Variants in ASIC2 observed in about 807,000 individuals in gnomAD.
The protein encoded by ASIC2 is acid sensing ion channel subunit 2.
ASIC2 carries 25 observed loss-of-function variants against 57.3 expected under a neutral mutation model. The ratio of observed to expected loss-of-function variants is 0.44; its 90% CI spans 0.32 to 0.61. The LOEUF is 0.61. ASIC2 is among the 20% of genes least tolerant of loss of function. ASIC2 has a pLI of 0.06. For missense variants in ASIC2, 641 were observed against 738.1 expected, an observed-to-expected ratio of 0.87 and a Z score of 1.52; for synonymous variants, 319 against 307.5, an observed-to-expected ratio of 1.04 and a Z score of -0.39.
At chr17:33,315,764 C>A (rs1257990341) in intron 1 of ASIC2, among the ~76,000 whole-genome samples, 1 of 152,164 alleles carries the variant, frequency 6.6e-6, no homozygotes, top group African/African-American at 2.4e-5. Context: ...CCACAATGAC[C>A]CTCTTACAAG....
intron 1 of ASIC2, among the ~76,000 whole-genome samples, chr17:33,339,748 C>T (rs898735481): frequency 2.0e-5 from 3 of 152,168 alleles, no homozygotes; most frequent in Non-Finnish European, 4.4e-5. Flanking sequence ...TGTGATGACT[C>T]CCTAACTCCT....
chr17:33,667,900 C>T lies in ASIC2; in HGVS notation c.555+488078G>A, dbSNP rs148097854. Among the ~76,000 whole-genome samples the T allele has an allele frequency of 1.1e-4, 17 of 152,292 alleles. No homozygotes were observed. In the East Asian group the frequency reaches 2.9e-3, roughly 26 times the overall value. ...CAGCTGCTTAAGGAAACCAAATGGC[C>T]TGTTGCCACACACAACCTCGTGACC... On this transcript the variant is annotated intron_variant, in intron 1 of 9. Transcript: ENST00000359872.
chr17:33,965,592 T>C (rs190476435), intron 1 of ASIC2, among the ~76,000 whole-genome samples: 31 of 152,342 alleles, frequency 2.0e-4, no homozygotes, highest in African/African-American at 6.7e-4. Flanking sequence ...TGAACACTTA[T>C]CTGTACTAGC....
chr17:33,369,136 G>A (rs1333649620), intron 1 of ASIC2, among the ~76,000 whole-genome samples: 1 of 152,204 alleles, frequency 6.6e-6, no homozygotes, highest in Non-Finnish European at 1.5e-5. Flanking sequence ...TCAAAGGGCA[G>A]TGAGTGTTCC....
intron 1 of ASIC2, among the ~76,000 whole-genome samples, chr17:33,979,014 A>G (rs1905502372): frequency 6.6e-6 from 1 of 152,192 alleles, no homozygotes. Flanking sequence ...GAGTCAGTTT[A>G]CAGACTACAT....
intron 1 of ASIC2, among the ~76,000 whole-genome samples, chr17:33,462,748 A>G (rs977962980): frequency 1.7e-4 from 26 of 152,240 alleles, no homozygotes; most frequent in African/African-American, 6.0e-4. Flanking sequence ...GATATTCAGA[A>G]GGATCTGGAG....
Position 33,851,190 on chromosome 17 carries a change from C to T in ASIC2, c.555+304788G>A, listed in dbSNP as rs77355306. Reference sequence around the variant, plus strand: ...ACTGCCTCCTGTCGGAAGGAACTAACAGCACTGTGGTCCCCAATTCTCAAG... The same window carrying T: ...ACTGCCTCCTGTCGGAAGGAACTAATAGCACTGTGGTCCCCAATTCTCAAG... On this transcript the variant is annotated intron_variant, in intron 1 of 9. Transcript: ENST00000359872. 2.7e-3 allele frequency among the ~76,000 whole-genome samples: 405 copies of T among 152,316 alleles called. 6 individuals are homozygous for T. Among genetic ancestry groups the T allele is most frequent in the African/African-American group, 9.3e-3 (385 of 41,564 alleles).
At chr17:34,026,679 C>T (rs996354911) in intron 1 of ASIC2, among the ~76,000 whole-genome samples, 4 of 152,174 alleles carry the variant, frequency 2.6e-5, no homozygotes, top group Middle Eastern at 3.2e-3. Context: ...CAGCCATTTC[C>T]CAGCATTCAT....
rs116863343 is a variant in ASIC2 at position 33,456,046 on chromosome 17, G to C, written c.556-343979C>G. Reference sequence around the variant, plus strand: ...GAGGAACTCAGCCCTCCAGGCTTCCGGTCCAGGGCTCTCTATCCCAACTCC... The same window carrying C: ...GAGGAACTCAGCCCTCCAGGCTTCCCGTCCAGGGCTCTCTATCCCAACTCC... On this transcript the variant is annotated intron_variant, in intron 1 of 9. Coordinates refer to the ASIC2 transcript ENST00000359872. 6.4e-3 allele frequency among the ~76,000 whole-genome samples: 981 copies of C among 152,226 alleles called. 40 individuals are homozygous for C. In the East Asian group the frequency reaches 0.089, roughly 14 times the overall value.
In ASIC2 at chr17:33,874,381, C is replaced by T. The variant is rs184820880; in HGVS notation, c.555+281597G>A. Among the ~76,000 whole-genome samples the T allele has an allele frequency of 5.9e-5, 9 of 152,102 alleles. No homozygotes were observed. The East Asian group carries it at 1.3e-3, about 23-fold the overall frequency. On this transcript the variant is annotated intron_variant, in intron 1 of 9. Transcript: ENST00000359872. Reference sequence around the variant, plus strand: ...TAAATATTTTTAGTATAAGTATGTCCCAAATATTGAATGGGGTATACTTAT... The same window carrying T: ...TAAATATTTTTAGTATAAGTATGTCTCAAATATTGAATGGGGTATACTTAT...
chr17:33,784,781 T>C (rs1911554524), intron 1 of ASIC2, among the ~76,000 whole-genome samples: 1 of 152,330 alleles, frequency 6.6e-6, no homozygotes, highest in East Asian at 1.9e-4. Flanking sequence ...AGAGCTGTTT[T>C]GTGCAGTGCA....
intron 1 of ASIC2, among the ~76,000 whole-genome samples, chr17:33,905,575 G>A (rs1915330604): frequency 6.6e-6 from 1 of 152,318 alleles, no homozygotes; most frequent in Admixed American, 6.5e-5. Flanking sequence ...AATATGCAAA[G>A]TAGGGATGCT....
intron 1 of ASIC2, among the ~76,000 whole-genome samples, chr17:33,543,479 G>C (rs1915486635): frequency 1.3e-5 from 2 of 152,240 alleles, no homozygotes; most frequent in Middle Eastern, 6.8e-3. Flanking sequence ...GGCTCAAGTT[G>C]CATCTCCCTG....
chr17:33,334,824 C>T (rs1432228940), intron 1 of ASIC2, among the ~76,000 whole-genome samples: 1 of 152,068 alleles, frequency 6.6e-6, no homozygotes, highest in Non-Finnish European at 1.5e-5. Context: ...TGCAGGCAAG[C>T]GCAAGACTAA....
intron 1 of ASIC2, among the ~76,000 whole-genome samples, chr17:34,123,969 T>TCAC (rs1316988302): frequency 1.3e-5 from 2 of 152,016 alleles, no homozygotes; most frequent in Admixed American, 6.6e-5. Flanking sequence ...GTAGTCCCAG[T>TCAC]TACTCGAGAG....
rs780819929 is a variant in ASIC2, at chr17:33,291,412, G to C, written c.704C>G (p.Ser235Cys). 6.3e-7 allele frequency: 1 copy of C among 1,598,280 alleles called. No homozygotes were observed. The highest frequency in any genetic ancestry group is 1.7e-5 in the Admixed American group (1 of 59,256). ...TTCGCGCGGAGGGCAACTCACGGAG[G>C]AGAAGTTGTGCGGCCCGCAGAGCTC... is the stretch of plus-strand genomic sequence containing the variant. ...RGELCGPHNF[S>C]SVFTKYGKCY... The change falls in exon 1 of 10, where the codon TCC becomes TGC. Residue 235 changes from serine to cysteine, a missense_variant. Physicochemically the swap from Ser to Cys is moderately radical, Grantham distance 112. Around this residue, in one of 3 missense-constraint regions of ASIC2, gnomAD observed 382 missense variants for 398.0 expected, o/e 0.96. Transcript: ENST00000225823.
intron 1 of ASIC2, among the ~76,000 whole-genome samples, chr17:34,007,137 G>A (rs143829970): frequency 0.011 from 1,739 of 152,280 alleles, 40 homozygotes; most frequent in African/African-American, 0.039. Context: ...CAGCCCAGAG[G>A]GGGGAAGGAA....
At chr17:33,613,428 G>C (rs1399506660) in intron 1 of ASIC2, among the ~76,000 whole-genome samples, 1 of 145,596 alleles carries the variant, frequency 6.9e-6, no homozygotes, top group Non-Finnish European at 1.5e-5. Context: ...GCAGTGTTGC[G>C]ATCTCGGCTC....
At chr17:33,017,387 G>A (rs1358167350) in intron 8 of ASIC2, among the ~76,000 whole-genome samples, 1 of 152,142 alleles carries the variant, frequency 6.6e-6, no homozygotes, top group Non-Finnish European at 1.5e-5. Flanking sequence ...CCAGAGGATA[G>A]GCCTGTGTTT....
Sources: allele counts gnomAD v4.1 joint callset (sites outside exome capture counted in the v4.1 genomes callset), GRCh38; gene constraint gnomAD v4.1.1; regional missense constraint gnomAD v4.1.1; transcripts MANE v1.5; gene names NCBI Gene and HGNC (gene_info 2026-07-23, HGNC 2026-07-21).